The following UNC13C variants were observed in gnomAD, a reference collection of about 807,000 sequenced individuals.
UNC13C encodes the protein unc-13 homolog C.
Under a neutral mutation model 245.4 loss-of-function variants are expected in UNC13C, and 174 were observed. That is an observed-to-expected ratio of 0.71 (90% CI 0.63 to 0.80). The LOEUF (loss-of-function observed/expected upper bound fraction) is 0.80. Ranked by LOEUF, UNC13C falls within the 30% of genes least tolerant of loss-of-function variation. The probability of loss-of-function intolerance (pLI) is 0.00; values close to 1 mark genes in which losing one functional copy is unlikely to be tolerated. For synonymous variants in UNC13C, 992 were observed against 895.1 expected (o/e 1.11, Z -1.93); for missense variants, 2,829 against 2,602.9 (o/e 1.09, Z -1.89).
the UNC13C span, among the ~76,000 whole-genome samples, chr15:53,843,499 CT>C: frequency 8.4e-3 from 1,265 of 150,822 alleles, 21 homozygotes; most frequent in African/African-American, 0.03. Context: ...TAGGGTGGCT[CT>C]TTTTTTTTGG....
intron 19 of UNC13C, among the ~76,000 whole-genome samples, chr15:54,479,796 T>G (rs1893001669): frequency 6.6e-6 from 1 of 152,148 alleles, no homozygotes; most frequent in Non-Finnish European, 1.5e-5. Context: ...ATCTTTTCAC[T>G]TCCAAATATA....
intron 2 of UNC13C, among the ~76,000 whole-genome samples, chr15:54,017,014 C>T (rs1895691425): frequency 6.6e-6 from 1 of 152,146 alleles, no homozygotes; most frequent in African/African-American, 2.4e-5. Flanking sequence ...CTAAATGAGC[C>T]ATTTTGTGGT....
chr15:54,582,532 G>A (rs914435471), intron 30 of UNC13C, among the ~76,000 whole-genome samples: 3 of 152,206 alleles, frequency 2.0e-5, no homozygotes, highest in Non-Finnish European at 4.4e-5. Context: ...CGAAGTCACA[G>A]AGAAAGCCAC....
intron 26 of UNC13C, among the ~76,000 whole-genome samples, chr15:54,546,239 T>C (rs1298896578): frequency 1.3e-5 from 2 of 152,194 alleles, no homozygotes; most frequent in East Asian, 1.9e-4. Context: ...AAACACCGCA[T>C]GTTCTCACTC....
intron 2 of UNC13C, among the ~76,000 whole-genome samples, chr15:54,079,693 G>A (rs1898832268): frequency 6.6e-6 from 1 of 151,918 alleles, no homozygotes; most frequent in Non-Finnish European, 1.5e-5. Context: ...TCTTTATCAG[G>A]TCTAGGAGTC....
intron 30 of UNC13C, among the ~76,000 whole-genome samples, chr15:54,594,980 A>C (rs555635445): frequency 6.6e-6 from 1 of 152,344 alleles, no homozygotes; most frequent in Admixed American, 6.5e-5. Flanking sequence ...CTTTGTTCTT[A>C]GGGCAGATGG....
the UNC13C span, among the ~76,000 whole-genome samples, chr15:53,868,005 A>T: frequency 0.29 from 43,882 of 151,832 alleles, 7,582 homozygotes; most frequent in Non-Finnish European, 0.37. Context: ...TAATTAAAAA[A>T]ATATATATTT....
chr15:54,359,976 C>G (rs1224028565), intron 17 of UNC13C, among the ~76,000 whole-genome samples: 1 of 151,904 alleles, frequency 6.6e-6, no homozygotes, highest in Admixed American at 6.6e-5. Flanking sequence ...CCTCTTAAAA[C>G]TGCTTGTGCT....
At chr15:53,961,116 T>C in the UNC13C span, among the ~76,000 whole-genome samples, 1 of 152,218 alleles carries the variant, frequency 6.6e-6, no homozygotes, top group Non-Finnish European at 1.5e-5. Flanking sequence ...CTTTCCTTCA[T>C]CCCTGAGGTT....
chr15:54,035,410 A>G (rs1026774609), intron 2 of UNC13C, among the ~76,000 whole-genome samples: 2 of 152,152 alleles, frequency 1.3e-5, no homozygotes, highest in Admixed American at 6.5e-5. Flanking sequence ...TATAGCAAAA[A>G]TCAAAATGCT....
chr15:54,343,585 C>T (rs929335880), intron 17 of UNC13C, among the ~76,000 whole-genome samples: 4 of 152,188 alleles, frequency 2.6e-5, no homozygotes, highest in Non-Finnish European at 5.9e-5. Context: ...TGCATTTATG[C>T]ATCCTGTTCT....
chr15:54,538,823 C>A (rs566977203), intron 26 of UNC13C, among the ~76,000 whole-genome samples: 7 of 152,012 alleles, frequency 4.6e-5, no homozygotes, highest in African/African-American at 1.7e-4. Context: ...AAGAAGGGAA[C>A]AATAGACACT....
chr15:54,375,604 G>T (rs192178779), intron 17 of UNC13C, among the ~76,000 whole-genome samples: 8 of 152,342 alleles, frequency 5.3e-5, no homozygotes, highest in Non-Finnish European at 8.8e-5. Context: ...CATTGTGTGA[G>T]TCTGATTTAA....
chr15:54,570,630 AATAT>A (rs1897712565), intron 30 of UNC13C, among the ~76,000 whole-genome samples: 1 of 152,178 alleles, frequency 6.6e-6, no homozygotes, highest in South Asian at 2.1e-4. Context: ...ATCCCATCTC[AATAT>A]TCATGACCAT....
Position 53,984,825 on chromosome 15 carries a change from T to C in UNC13C, c.-257+5898T>C, listed in dbSNP as rs1347250082. On this transcript the variant is annotated intron_variant, in intron 1 of 32. Transcript: ENST00000260323. ...CCTCTGCTGTGTCCTAAAATGGGAATGACTGTATCAGCACATTTATGGCAA... is the reference window on the plus strand; with the variant it reads ...CCTCTGCTGTGTCCTAAAATGGGAACGACTGTATCAGCACATTTATGGCAA... Among the ~76,000 whole-genome samples, 10 of 152,212 alleles carry C rather than the reference T, an allele frequency of 6.6e-5. No individual in the cohort carries two copies. In the South Asian group the frequency reaches 1.7e-3, roughly 25 times the overall value.
chr15:54,555,465 A>G lies in UNC13C; in HGVS notation c.5911A>G (p.Thr1971Ala). ...HMIREDARGL[T>A]PRQCAIMEVV... ...GATTCGAGAGGATGCCAGGGGTCTG[A>G]CGCCAAGACAATGCGCTATAATGGA... is the stretch of plus-strand genomic sequence containing the variant. The change falls in exon 29 of 33, where the codon ACG (threonine) becomes GCG (alanine). Residue 1971 changes from threonine to alanine, a missense_variant. Coordinates refer to ENST00000260323, the MANE Select transcript of UNC13C (RefSeq NM_001080534.3). 1.2e-6 allele frequency: 2 copies of G among 1,612,436 alleles called. No individual in the cohort carries two copies. Among genetic ancestry groups the G allele is most frequent in the Non-Finnish European group, 1.7e-6 (2 of 1,179,064 alleles).
chr15:54,304,232 G>T (rs912865296), intron 13 of UNC13C, among the ~76,000 whole-genome samples: 17 of 152,050 alleles, frequency 1.1e-4, no homozygotes, highest in African/African-American at 3.4e-4. Context: ...TTTGGTCAGG[G>T]TTTGGCATGA....
intron 2 of UNC13C, among the ~76,000 whole-genome samples, chr15:54,108,951 C>T (rs778618198): frequency 2.2e-4 from 34 of 152,082 alleles, no homozygotes; most frequent in Non-Finnish European, 4.1e-4. Context: ...TTTAGCCTGG[C>T]GGAATTCTGA....
intron 19 of UNC13C, among the ~76,000 whole-genome samples, chr15:54,450,754 G>A (rs1307482522): frequency 3.9e-5 from 6 of 152,120 alleles, no homozygotes; most frequent in African/African-American, 7.2e-5. Context: ...TTCAGCTCAC[G>A]CTCGGTGCAC....
Sources: allele counts gnomAD v4.1 joint callset (sites outside exome capture counted in the v4.1 genomes callset), GRCh38; gene constraint gnomAD v4.1.1; transcripts MANE v1.5; gene names NCBI Gene and HGNC (gene_info 2026-07-23, HGNC 2026-07-21).